The following IFNGR2 variants were observed in gnomAD, a reference collection of about 807,000 sequenced individuals.
IFNGR2 encodes the protein interferon gamma receptor 2, also known as IFN-gamma receptor 2.
IFNGR2 carries 15 observed loss-of-function variants against 41.1 expected under a neutral mutation model. The ratio of observed to expected loss-of-function variants is 0.37; its 90% CI spans 0.24 to 0.56. The LOEUF (loss-of-function observed/expected upper bound fraction) is 0.56, where lower values mean the gene tolerates loss of function less well. Among genes scored for constraint, IFNGR2 ranks in the 20% least tolerant of loss-of-function variants. The pLI, the probability that IFNGR2 is intolerant of heterozygous loss-of-function variation, is 0.81. For missense variants in IFNGR2, 362 were observed against 415.7 expected, an observed-to-expected ratio of 0.87 and a Z score of 1.12; for synonymous variants, 161 against 171.6, an observed-to-expected ratio of 0.94 and a Z score of 0.48.
At chr21:33,419,927 G>A (rs969494558) in intron 2 of IFNGR2, among the ~76,000 whole-genome samples, 1 of 152,118 alleles carries the variant, frequency 6.6e-6, no homozygotes, top group Admixed American at 6.6e-5. Flanking sequence ...GGAGCGGGGC[G>A]GTTAGAGGGT....
intron 1 of IFNGR2, among the ~76,000 whole-genome samples, chr21:33,413,826 CTTTTT>C (rs3057381): frequency 3.2e-5 from 2 of 61,728 alleles, no homozygotes; most frequent in Non-Finnish European, 5.6e-5. Flanking sequence ...GCCCCCTAAC[CTTTTT>C]TTTTTTTTTT....
chr21:33,434,662 C>A (rs1278366235), intron 6 of IFNGR2, among the ~76,000 whole-genome samples: 1 of 152,192 alleles, frequency 6.6e-6, no homozygotes, highest in Non-Finnish European at 1.5e-5. Context: ...TCCAAGTCTG[C>A]AGAAACATAG....
At chr21:33,407,595 A>AGTT (rs963086002) in intron 1 of IFNGR2, among the ~76,000 whole-genome samples, 1 of 152,100 alleles carries the variant, frequency 6.6e-6, no homozygotes, top group South Asian at 2.1e-4. Flanking sequence ...CTTGATGTCC[A>AGTT]GTTGTTGTTG....
Position 33,426,735 on chromosome 21 carries a change from TAAAG to T in IFNGR2, c.413-147_413-144del, listed in dbSNP as rs1177523716. 7.1e-5 allele frequency: 32 copies of T among 452,296 alleles called. 1 individual carries two copies. Among genetic ancestry groups the T allele is most frequent in the Admixed American group, 2.5e-4 (6 of 24,298 alleles). The allele number at this position is 452,296 out of a possible 1,614,324, so 28.0% of individuals were successfully genotyped here. On this transcript the variant is annotated intron_variant, in intron 3 of 6. Transcript: ENST00000290219. Reference sequence around the variant, plus strand: ...ACTGTCTCGAAAAAATAATAATAAATAAAGAGATAGATAAAAACGTGTGTGTATA... The same window carrying T: ...ACTGTCTCGAAAAAATAATAATAAATAGATAGATAAAAACGTGTGTGTATA...
chr21:33,414,988 G>A lies in IFNGR2; in HGVS notation c.174G>A (p.Thr58=), dbSNP rs562561420. The change falls in exon 2 of 7, where the codon ACG becomes ACA. Residue 58 remains threonine (T), a synonymous_variant. Transcript: ENST00000290219. ...SWEPVALSNS[T]RPVVYQVQFK... Reference sequence around the variant, plus strand: ...AGCCAGTGGCCCTGAGCAATAGCACGAGGCCTGTTGTCTACCAAGTGCAGT... The same window carrying A: ...AGCCAGTGGCCCTGAGCAATAGCACAAGGCCTGTTGTCTACCAAGTGCAGT... 5.8e-5 allele frequency: 94 copies of A among 1,614,130 alleles called. 2 individuals are homozygous for A. In the South Asian group the frequency reaches 8.2e-4, roughly 14 times the overall value.
chr21:33,405,163 G>A (rs1003608855), intron 1 of IFNGR2, among the ~76,000 whole-genome samples: 1 of 151,500 alleles, frequency 6.6e-6, no homozygotes, highest in African/African-American at 2.4e-5. Context: ...TGTGTGGCTA[G>A]AACATTCTTG....
chr21:33,432,932 CG>C, intron 6 of IFNGR2, 61 bp downstream of exon 6: 1 of 1,392,056 alleles, frequency 7.2e-7, no homozygotes, highest in East Asian at 2.4e-5. Flanking sequence ...GTTGCCCAGG[CG>C]GGAGTGTCAT....
intron 1 of IFNGR2, among the ~76,000 whole-genome samples, chr21:33,407,058 A>G (rs752405873): frequency 9.2e-5 from 14 of 152,266 alleles, no homozygotes; most frequent in Non-Finnish European, 1.6e-4. Context: ...TGAGCTGTTA[A>G]GTAGTGGCCG....
At chr21:33,432,563 T>G in intron 5 of IFNGR2, 151 bp from the exon 6 acceptor site, 1 of 933,724 alleles carries the variant, frequency 1.1e-6, no homozygotes. Context: ...TAGCTATTAA[T>G]GTAAGCATAC....
At chr21:33,433,723 C>T (rs920438355) in intron 6 of IFNGR2, among the ~76,000 whole-genome samples, 2 of 151,800 alleles carry the variant, frequency 1.3e-5, no homozygotes, top group African/African-American at 2.4e-5. Flanking sequence ...TTGGCACTAC[C>T]GAACTGTACA....
chr21:33,427,639 T>C (rs376225912), intron 4 of IFNGR2, among the ~76,000 whole-genome samples: 1 of 152,022 alleles, frequency 6.6e-6, no homozygotes, highest in Non-Finnish European at 1.5e-5. Context: ...TCGGGGAGTA[T>C]AGGAAAAAGC....
At position 33,421,699 on chromosome 21, in the gene IFNGR2, A is replaced by G; in HGVS notation, c.412+14A>G. 1 of 1,595,228 alleles carries G rather than the reference A, an allele frequency of 6.3e-7. No homozygotes were observed. Among genetic ancestry groups the G allele is most frequent in the Non-Finnish European group, 8.6e-7 (1 of 1,162,698 alleles). On this transcript the variant is annotated intron_variant, in intron 3 of 6. Coordinates refer to ENST00000290219, the MANE Select transcript of IFNGR2 (RefSeq NM_005534.4). ...ACTATCGGAATGGTAAGAGAACTTG[A>G]GTATAGAACTTCCTTTATACTTTCC...
chr21:33,424,030 G>A (rs1430515167), intron 3 of IFNGR2, among the ~76,000 whole-genome samples: 6 of 152,164 alleles, frequency 3.9e-5, no homozygotes, highest in Admixed American at 3.9e-4. Context: ...GCTGGGCGCA[G>A]TGGCTCACCC....
chr21:33,431,422 G>A (rs2083886181), intron 4 of IFNGR2, among the ~76,000 whole-genome samples: 1 of 152,052 alleles, frequency 6.6e-6, no homozygotes, highest in African/African-American at 2.4e-5. Context: ...ATACAAAAAT[G>A]AGCCAGACAT....
rs35138843 is a variant in IFNGR2, at chr21:33,406,648, C to CTT, written c.73+3048_73+3049dup. 7.9e-3 allele frequency among the ~76,000 whole-genome samples: 1,037 copies of CTT among 131,830 alleles called. 16 individuals are homozygous for CTT. Among genetic ancestry groups the CTT allele is most frequent in the African/African-American group, 0.024 (846 of 35,218 alleles). The allele number at this position is 131,830 out of a possible 152,430, so 86.5% of individuals were successfully genotyped here. A position where few individuals can be genotyped will look rare whatever the true frequency, so the allele number is the denominator to read the frequency against. ...CAGAGAAAAAAAAAAGTGTTGGAAA[C>CTT]TTTTTTTTTTTTTTTTTGAGATAGT... On this transcript the variant is annotated intron_variant, in intron 1 of 6. Coordinates refer to ENST00000290219, the MANE Select transcript of IFNGR2 (RefSeq NM_005534.4).
intron 1 of IFNGR2, among the ~76,000 whole-genome samples, chr21:33,411,943 A>G (rs2083719655): frequency 3.3e-5 from 5 of 152,142 alleles, no homozygotes; most frequent in Admixed American, 3.3e-4. Context: ...GGATCTCGCT[A>G]TGTTGGCCAG....
intron 2 of IFNGR2, among the ~76,000 whole-genome samples, chr21:33,420,284 G>C (rs1471020003): frequency 1.3e-5 from 2 of 152,146 alleles, no homozygotes; most frequent in African/African-American, 2.4e-5. Flanking sequence ...CTTGCTTTCT[G>C]GGCCATAGTT....
At position 33,416,821 on chromosome 21, in the gene IFNGR2, CAA is replaced by C. The variant is rs11356057; in HGVS notation, c.206+1816_206+1817del. 2.9e-3 allele frequency among the ~76,000 whole-genome samples: 329 copies of C among 114,012 alleles called. 2 individuals carry two copies. Among genetic ancestry groups the C allele is most frequent in the African/African-American group, 8.0e-3 (243 of 30,380 alleles). 74.8% of individuals were successfully genotyped at this position (114,012 alleles called of 152,430 possible). ...TGGGCGACAGAGCGAGACTCCATCT[CAA>C]AAAAAAAAAAAAAAGAATAGAAAAG... On this transcript the variant is annotated intron_variant, in intron 2 of 6. Transcript: ENST00000290219.
At chr21:33,423,426 A>G (rs1002621639) in intron 3 of IFNGR2, among the ~76,000 whole-genome samples, 3 of 142,010 alleles carry the variant, frequency 2.1e-5, no homozygotes. Flanking sequence ...GGAGTCTTGC[A>G]CTGTCGCCCA....
Sources: allele counts gnomAD v4.1 joint callset (sites outside exome capture counted in the v4.1 genomes callset), GRCh38; gene constraint gnomAD v4.1.1; transcripts MANE v1.5; gene names NCBI Gene and HGNC (gene_info 2026-07-23, HGNC 2026-07-21).